NOTCH2NLC: variants seen among roughly 807,000 people sequenced by gnomAD.
NOTCH2NLC encodes notch 2 N-terminal like C.
In NOTCH2NLC, 4 loss-of-function variants were observed where a neutral mutation model predicts 17.7. The ratio of observed to expected loss-of-function variants is 0.23; its 90% CI spans 0.11 to 0.52. The LOEUF (loss-of-function observed/expected upper bound fraction) is 0.52, where lower values mean the gene tolerates loss of function less well. Ranked by LOEUF, NOTCH2NLC falls within the 20% of genes least tolerant of loss-of-function variation. The pLI is 0.96. For synonymous variants in NOTCH2NLC, 18 were observed against 86.0 expected (o/e 0.21, Z 4.38); for missense variants, 57 against 207.2 (o/e 0.28, Z 4.45).
chr1:149,419,341 G>A (rs2084365429), intron 1 of NOTCH2NLC, among the ~76,000 whole-genome samples: 2 of 150,490 alleles, frequency 1.3e-5, no homozygotes, highest in South Asian at 2.1e-4. Flanking sequence ...GCTGCAAATG[G>A]AGAAACCTAG....
At chr1:149,421,350 T>A (rs2084377962) in intron 1 of NOTCH2NLC, among the ~76,000 whole-genome samples, 1 of 149,324 alleles carries the variant, frequency 6.7e-6, no homozygotes, top group African/African-American at 2.5e-5. Flanking sequence ...ACAAAAAAAA[T>A]TAGCCGGATA....
chr1:149,419,840 A>AATAT (rs1247876476), intron 1 of NOTCH2NLC, among the ~76,000 whole-genome samples: 104 of 113,494 alleles, frequency 9.2e-4, no homozygotes, highest in South Asian at 1.9e-3. Context: ...GAAGTTCAGG[A>AATAT]ATATATATAT....
intron 1 of NOTCH2NLC, among the ~76,000 whole-genome samples, chr1:149,428,599 C>T (rs2084425243): frequency 6.6e-6 from 1 of 150,956 alleles, no homozygotes; most frequent in Non-Finnish European, 1.5e-5. Flanking sequence ...ACTATGTACT[C>T]CAGGTTTCTT....
chr1:149,466,385 A>C lies in NOTCH2NLC; in HGVS notation c.*2232A>C, dbSNP rs2084684392. 7.2e-6 allele frequency: 1 copy of C among 139,796 alleles called. No individual in the cohort carries two copies. The highest frequency in any genetic ancestry group is 2.6e-5 in the African/African-American group (1 of 38,144). 8.7% of individuals were successfully genotyped at this position (139,796 alleles called of 1,614,324 possible). ...AACCAGATGACTTCAGCTTTGGATA[A>C]ATATATAGAAGGAAATTTAAAGAGA... On this transcript the variant is annotated 3_prime_UTR_variant, in exon 5 of 5. Transcript: ENST00000650865.
At chr1:149,460,901 TTCTTTCTTTCTTTCTC>T (rs1363689159) in intron 3 of NOTCH2NLC, among the ~76,000 whole-genome samples, 17 of 66,374 alleles carry the variant, frequency 2.6e-4, no homozygotes, top group South Asian at 9.3e-4. Context: ...CTTTCTTTCT[TTCTTTCTTTCTTTCTC>T]TCTCTTTCTC....
At chr1:149,439,897 G>C (rs1232125921) in intron 2 of NOTCH2NLC, among the ~76,000 whole-genome samples, 1 of 145,842 alleles carries the variant, frequency 6.9e-6, no homozygotes, top group Non-Finnish European at 1.5e-5. Context: ...TGCTCGAAAT[G>C]CTCTTCTCCT....
chr1:149,423,927 G>C (rs2084395919), intron 1 of NOTCH2NLC, among the ~76,000 whole-genome samples: 1 of 149,552 alleles, frequency 6.7e-6, no homozygotes, highest in Admixed American at 6.7e-5. Context: ...CACATTGAAG[G>C]CTGCTCAGAT....
chr1:149,460,524 A>G (rs1166067488), intron 3 of NOTCH2NLC, among the ~76,000 whole-genome samples: 1 of 148,838 alleles, frequency 6.7e-6, no homozygotes, highest in African/African-American at 2.5e-5. Flanking sequence ...TTTTTAGTAG[A>G]GATGGGCTTT....
At position 149,390,657 on chromosome 1, in the gene NOTCH2NLC, A is replaced by G. The variant is rs1570895208; in HGVS notation, c.-131A>G. ...GCGGCGGCTGAGGCGGCGGCCGAGG[A>G]GCGGCGGACTCGGGGCGCGGGGAGT... On this transcript the variant is annotated 5_prime_UTR_variant, in exon 1 of 5. Transcript: ENST00000650865. The G allele has an allele frequency of 1.7e-6, 2 of 1,205,238 alleles. No individual in the cohort carries two copies. The highest frequency in any genetic ancestry group is 4.0e-5 in the East Asian group (1 of 24,944). The allele number at this position is 1,205,238 out of a possible 1,614,324, so 74.7% of individuals were successfully genotyped here.
At chr1:149,460,909 TTCTTTCTCTC>T in intron 3 of NOTCH2NLC, among the ~76,000 whole-genome samples, 1 of 48,698 alleles carries the variant, frequency 2.1e-5, no homozygotes, top group Admixed American at 2.2e-4. Flanking sequence ...CTTTCTTTCT[TTCTTTCTCTC>T]TCTTTCTCTC....
chr1:149,448,589 C>T (rs1294788659), intron 2 of NOTCH2NLC, among the ~76,000 whole-genome samples: 7 of 149,238 alleles, frequency 4.7e-5, no homozygotes, highest in South Asian at 4.3e-4. Context: ...GGGTATGAGT[C>T]GGAGCATTAT....
chr1:149,448,926 G>A (rs2084572082), intron 2 of NOTCH2NLC, among the ~76,000 whole-genome samples: 1 of 144,692 alleles, frequency 6.9e-6, no homozygotes. Flanking sequence ...CTGTCGCCCA[G>A]GCTGGAGTGC....
chr1:149,392,623 T>C (rs1250534347), intron 1 of NOTCH2NLC, among the ~76,000 whole-genome samples: 4 of 151,316 alleles, frequency 2.6e-5, no homozygotes, highest in Non-Finnish European at 5.9e-5. Context: ...TGAGACAGTC[T>C]GAGGGTAATA....
In NOTCH2NLC at chr1:149,390,915, C is replaced by G; in HGVS notation, c.128C>G (p.Pro43Arg). ...CGCTCTGGCTGTGCTGCGCGACCCCCGCGCATGGTGAGTATCGGGCTGAGG... is the reference window on the plus strand; with the variant it reads ...CGCTCTGGCTGTGCTGCGCGACCCCGGCGCATGGTGAGTATCGGGCTGAGG... ...CWRSGCAARP[P>R]RMCRDGYEPC... is the part of the protein sequence containing the mutation. Residue 43 changes from proline to arginine, a missense_variant, in exon 1 of 5, where the codon CCG becomes CGG. Physicochemically the swap from Pro to Arg is moderately radical, Grantham distance 103. Coordinates refer to ENST00000650865, the MANE Select transcript of NOTCH2NLC (RefSeq NM_001364013.2). The G allele has an allele frequency of 1.4e-6, 2 of 1,434,736 alleles. No homozygotes were observed. Among genetic ancestry groups the G allele is most frequent in the Non-Finnish European group, 1.8e-6 (2 of 1,100,320 alleles). The allele number at this position is 1,434,736 out of a possible 1,614,324, so 88.9% of individuals were successfully genotyped here.
chr1:149,398,702 C>A (rs1221131694), intron 1 of NOTCH2NLC, among the ~76,000 whole-genome samples: 4 of 151,124 alleles, frequency 2.6e-5, no homozygotes, highest in African/African-American at 9.7e-5. Context: ...AGCCATGGTA[C>A]CCCGGGTCCT....
In NOTCH2NLC at chr1:149,468,943, A is replaced by ATTTTC. The variant is rs1570925536; in HGVS notation, c.*4805_*4809dup. ...ATTCTCACACTTGGGGGCATGTGTCATTTTCTTTTCTTTTCTTTTTTTTTT... is the reference window on the plus strand; with the variant it reads ...ATTCTCACACTTGGGGGCATGTGTCATTTTCTTTTCTTTTCTTTTCTTTTTTTTTT... On this transcript the variant is annotated 3_prime_UTR_variant, in exon 5 of 5. Transcript: ENST00000650865. 4.3e-4 allele frequency among the ~76,000 whole-genome samples: 35 copies of ATTTTC among 82,144 alleles called. No homozygotes were observed. The highest frequency in any genetic ancestry group is 1.7e-3 in the East Asian group (5 of 2,918). 53.9% of individuals were successfully genotyped at this position (82,144 alleles called of 152,430 possible). A position where few individuals can be genotyped will look rare whatever the true frequency, so the allele number is the denominator to read the frequency against.
At chr1:149,425,473 G>T (rs2084408103) in intron 1 of NOTCH2NLC, among the ~76,000 whole-genome samples, 1 of 151,470 alleles carries the variant, frequency 6.6e-6, no homozygotes, top group Admixed American at 6.6e-5. Flanking sequence ...AGAGAATGCA[G>T]TGGAAGTGGT....
At chr1:149,428,486 G>A (rs1469768662) in intron 1 of NOTCH2NLC, among the ~76,000 whole-genome samples, 1 of 150,742 alleles carries the variant, frequency 6.6e-6, no homozygotes, top group Non-Finnish European at 1.5e-5. Context: ...TGGGTTGTTT[G>A]TATTTCTCTG....
chr1:149,433,239 T>G (rs1274661626), intron 2 of NOTCH2NLC, among the ~76,000 whole-genome samples: 10 of 113,516 alleles, frequency 8.8e-5, no homozygotes, highest in East Asian at 2.7e-4. Context: ...TGAGAACACA[T>G]GGACACAGGG....
Sources: gnomAD v4.1 joint callset for allele counts (sites outside exome capture counted in the v4.1 genomes callset) on GRCh38, gnomAD v4.1.1 for gene constraint, MANE v1.5 for transcripts, NCBI Gene and HGNC (gene_info 2026-07-23, HGNC 2026-07-21) for gene names.